ALDH1A2: variants seen among roughly 807,000 people sequenced by gnomAD.
The protein encoded by ALDH1A2 is retinal dehydrogenase 2.
A neutral mutation model predicts 60.3 loss-of-function variants in ALDH1A2; 27 were observed. The ratio of observed to expected loss-of-function variants is 0.45; its 90% CI spans 0.33 to 0.62. The LOEUF is 0.62. Ranked by LOEUF, ALDH1A2 falls within the 20% of genes least tolerant of loss-of-function variation. The pLI, the probability that ALDH1A2 is intolerant of heterozygous loss-of-function variation, is 0.02. For synonymous variants in ALDH1A2, 289 were observed against 232.4 expected, an observed-to-expected ratio of 1.24 and a Z score of -2.21; for missense variants, 581 against 643.8, an observed-to-expected ratio of 0.90 and a Z score of 1.06.
chr15:58,008,543 C>T (rs1895531987), intron 4 of ALDH1A2, among the ~76,000 whole-genome samples: 1 of 152,080 alleles, frequency 6.6e-6, no homozygotes, highest in South Asian at 2.1e-4. Flanking sequence ...AGGATCTTCC[C>T]TCCTGAGGAA....
chr15:58,006,214 G>A (rs9635350), intron 4 of ALDH1A2, among the ~76,000 whole-genome samples: 63,763 of 151,550 alleles, frequency 0.42, 14,374 homozygotes, highest in South Asian at 0.71. Flanking sequence ...ACAGTCTTAC[G>A]CCTTTGCATC....
intron 12 of ALDH1A2, among the ~76,000 whole-genome samples, chr15:57,960,414 T>C (rs1893681420): frequency 6.6e-6 from 1 of 152,192 alleles, no homozygotes; most frequent in Non-Finnish European, 1.5e-5. Context: ...TTTTCCTGGA[T>C]GTTACTTCCA....
At chr15:58,056,543 G>A (rs191328243) in intron 1 of ALDH1A2, among the ~76,000 whole-genome samples, 1 of 152,010 alleles carries the variant, frequency 6.6e-6, no homozygotes, top group Non-Finnish European at 1.5e-5. Flanking sequence ...TCTGAAACAG[G>A]ACTCTAAAGG....
chr15:58,024,097 A>G (rs1212121719), intron 1 of ALDH1A2, among the ~76,000 whole-genome samples: 5 of 152,206 alleles, frequency 3.3e-5, no homozygotes, highest in African/African-American at 1.2e-4. Flanking sequence ...CCATCTCAAA[A>G]AAAATGCTCA....
intron 1 of ALDH1A2, among the ~76,000 whole-genome samples, chr15:58,043,877 T>G (rs191236236): frequency 6.6e-6 from 1 of 152,110 alleles, no homozygotes; most frequent in Admixed American, 6.6e-5. Context: ...GCTCCTTTGG[T>G]TAGGAAGAGA....
At chr15:58,014,361 T>A in intron 1 of ALDH1A2, 80 bp from the exon 2 acceptor site, 1 of 1,036,870 alleles carries the variant, frequency 9.6e-7, no homozygotes, top group Non-Finnish European at 1.5e-6. Flanking sequence ...ACGGAACTAC[T>A]ATGGTAATAA....
intron 12 of ALDH1A2, among the ~76,000 whole-genome samples, chr15:57,956,490 A>T (rs1484871597): frequency 6.6e-6 from 1 of 152,128 alleles, no homozygotes; most frequent in African/African-American, 2.4e-5. Flanking sequence ...CTTTGCCAGC[A>T]CCTCCTCTGA....
At position 57,965,962 on chromosome 15, in the gene ALDH1A2, C is replaced by T. The variant is rs532361301; in HGVS notation, c.799-135G>A. The stretch of plus-strand genomic sequence containing the variant: ...GGCAAGCCAACCCAGCTCTTGTCAT[C>T]AGCTTGGGTTACAAGATGTAAGTTA... On this transcript the variant is annotated intron_variant, in intron 7 of 12. Transcript: ENST00000249750. The T allele has an allele frequency of 1.1e-5, 8 of 717,726 alleles. No homozygotes were observed. In the African/African-American group the frequency reaches 1.2e-4, roughly 11 times the overall value. 44.5% of individuals were successfully genotyped at this position (717,726 alleles called of 1,614,324 possible).
At chr15:57,995,237 C>CAAAAAAAAA in intron 4 of ALDH1A2, 98 bp from the exon 5 acceptor site, 1 of 471,946 alleles carries the variant, frequency 2.1e-6, no homozygotes, top group Non-Finnish European at 3.6e-6. Context: ...AAAAAAAAAA[C>CAAAAAAAAA]AAACAGAAAT....
At chr15:57,985,512 A>T (rs1385527062) in intron 7 of ALDH1A2, among the ~76,000 whole-genome samples, 1 of 152,184 alleles carries the variant, frequency 6.6e-6, no homozygotes, top group Non-Finnish European at 1.5e-5. Context: ...TTTGTACAAA[A>T]CCAAGTGGCT....
In ALDH1A2 at chr15:57,995,232, A is replaced by AAAAAAAAAAAAG; in HGVS notation, c.494-94_494-93insCTTTTTTTTTTT. ...TTGGTGGCTGCAAAAAAAAAAAAAA[A>AAAAAAAAAAAAG]AAAACAAACAGAAATAAACTTGAAA... On this transcript the variant is annotated intron_variant, in intron 4 of 12. Transcript: ENST00000249750. 2 of 747,210 alleles carry AAAAAAAAAAAAG rather than the reference A, an allele frequency of 2.7e-6. 1 individual carries two copies. The highest frequency in any genetic ancestry group is 4.4e-6 in the Non-Finnish European group (2 of 453,340). The allele number at this position is 747,210 out of a possible 1,614,324, so 46.3% of individuals were successfully genotyped here.
chr15:58,012,570 T>C (rs146839329), intron 3 of ALDH1A2, among the ~76,000 whole-genome samples: 2 of 152,348 alleles, frequency 1.3e-5, no homozygotes, highest in African/African-American at 4.8e-5. Context: ...AGGAGGAATT[T>C]CTTCACCATG....
chr15:58,057,132 A>C (rs1342830528), intron 1 of ALDH1A2, among the ~76,000 whole-genome samples: 1 of 152,158 alleles, frequency 6.6e-6, no homozygotes, highest in Non-Finnish European at 1.5e-5. Flanking sequence ...TGTCCAATGC[A>C]GCATTACTGC....
chr15:57,993,217 T>A, intron 5 of ALDH1A2, 144 bp from the exon 6 acceptor site: 1 of 1,028,498 alleles, frequency 9.7e-7, no homozygotes, highest in Non-Finnish European at 1.4e-6. Context: ...GATTTTCAAT[T>A]ACTTCATTAA....
At chr15:58,058,636 ATTC>A (rs1322358434) in intron 1 of ALDH1A2, among the ~76,000 whole-genome samples, 1 of 152,156 alleles carries the variant, frequency 6.6e-6, no homozygotes, top group Non-Finnish European at 1.5e-5. Context: ...GATATGCTAA[ATTC>A]TTCTAGATAA....
intron 1 of ALDH1A2, among the ~76,000 whole-genome samples, chr15:58,054,004 C>T (rs1350840994): frequency 6.6e-6 from 1 of 152,110 alleles, no homozygotes; most frequent in Non-Finnish European, 1.5e-5. Context: ...TAAGTAATTA[C>T]TAAATTCTCA....
Position 58,056,344 on chromosome 15 carries a change from A to G in ALDH1A2, c.117+9190T>C, listed in dbSNP as rs181639546. Among the ~76,000 whole-genome samples, 70 of 152,254 alleles carry G rather than the reference A, an allele frequency of 4.6e-4. 1 individual carries two copies. Among genetic ancestry groups the G allele is most frequent in the Non-Finnish European group, 1.9e-4 (13 of 67,974 alleles). On this transcript the variant is annotated intron_variant, in intron 1 of 12. Coordinates refer to ENST00000249750, the MANE Select transcript of ALDH1A2 (RefSeq NM_003888.4). ...TGATTCCAAGACTTCAAGGAATACA[A>G]TTTTTAAAAATTATTTAAACATCAA...
chr15:58,028,307 A>T (rs544696032), intron 1 of ALDH1A2, among the ~76,000 whole-genome samples: 13 of 152,352 alleles, frequency 8.5e-5, no homozygotes, highest in African/African-American at 3.1e-4. Flanking sequence ...ACTAAGCTTC[A>T]TAAGTGAAGG....
intron 1 of ALDH1A2, among the ~76,000 whole-genome samples, chr15:58,048,770 G>A (rs1219213489): frequency 6.6e-6 from 1 of 151,936 alleles, no homozygotes; most frequent in Non-Finnish European, 1.5e-5. Flanking sequence ...ACTAACACCT[G>A]AGCTGAGTCT....
Sources: gnomAD v4.1 joint callset for allele counts (sites outside exome capture counted in the v4.1 genomes callset) on GRCh38, gnomAD v4.1.1 for gene constraint, MANE v1.5 for transcripts, NCBI Gene and HGNC (gene_info 2026-07-23, HGNC 2026-07-21) for gene names.